The following WDR17 variants were observed in gnomAD, a reference collection of about 807,000 sequenced individuals.
WDR17 encodes the protein WD repeat domain 17.
WDR17 carries 143 observed loss-of-function variants against 161.7 expected under a neutral mutation model. That is an observed-to-expected ratio of 0.88 (90% confidence interval 0.77 to 1.02). The LOEUF (loss-of-function observed/expected upper bound fraction) is 1.02, where lower values mean the gene tolerates loss of function less well. WDR17 is among the 50% of genes least tolerant of loss of function. WDR17 has a pLI of 0.00. For missense variants in WDR17, 1,469 were observed against 1,520.9 expected (o/e 0.97, Z 0.57); for synonymous variants, 517 against 515.6 (o/e 1.00, Z -0.04).
intron 7 of WDR17, among the ~76,000 whole-genome samples, chr4:176,131,963 T>C (rs1388239256): frequency 1.3e-5 from 2 of 152,134 alleles, no homozygotes; most frequent in African/African-American, 4.8e-5. Context: ...TGTCTACTTA[T>C]ATTTTATGTA....
chr4:176,159,056 A>G (rs1479607384), intron 18 of WDR17, among the ~76,000 whole-genome samples: 1 of 152,206 alleles, frequency 6.6e-6, no homozygotes, highest in Non-Finnish European at 1.5e-5. Flanking sequence ...GCTGGCAAAT[A>G]TCATGAAAAA....
intron 1 of WDR17, among the ~76,000 whole-genome samples, chr4:176,078,991 T>G (rs1734407438): frequency 6.6e-6 from 1 of 152,122 alleles, no homozygotes; most frequent in Admixed American, 6.6e-5. Context: ...ATAGCTGTAA[T>G]TTTGTATTAT....
intron 3 of WDR17, 99 bp downstream of exon 3, chr4:176,116,078 A>C (rs903461111): frequency 3.3e-6 from 4 of 1,219,232 alleles, no homozygotes; most frequent in Non-Finnish European, 3.4e-6. Flanking sequence ...GTTGTTTTCA[A>C]ACTTCTTAAT....
intron 1 of WDR17, chr4:176,096,416 G>T: frequency 1.2e-6 from 1 of 834,456 alleles, no homozygotes; most frequent in Non-Finnish European, 1.9e-6. Context: ...TCACAAGGGA[G>T]ATTTTGGTAA....
At chr4:176,128,605 G>C in intron 5 of WDR17, 133 bp from the exon 6 acceptor site, 1 of 843,506 alleles carries the variant, frequency 1.2e-6, no homozygotes, top group Non-Finnish European at 1.8e-6. Context: ...TTACTGTATG[G>C]TATTGTTGTT....
chr4:176,067,516 T>C (rs954077209), intron 1 of WDR17, among the ~76,000 whole-genome samples: 4 of 152,372 alleles, frequency 2.6e-5, no homozygotes, highest in South Asian at 4.1e-4. Flanking sequence ...ATAGAACTGC[T>C]TAAAAAACTG....
At chr4:176,087,434 C>T (rs1484959687) in intron 1 of WDR17, among the ~76,000 whole-genome samples, 2 of 152,042 alleles carry the variant, frequency 1.3e-5, no homozygotes, top group East Asian at 3.9e-4. Flanking sequence ...TTAATATTTT[C>T]TTTTTGTGGT....
intron 21 of WDR17, among the ~76,000 whole-genome samples, chr4:176,162,394 CCA>C (rs1389244790): frequency 6.6e-6 from 1 of 152,080 alleles, no homozygotes; most frequent in African/African-American, 2.4e-5. Context: ...TTTATTTCTA[CCA>C]CAAGACACAT....
At chr4:176,085,444 G>A (rs890080030) in intron 1 of WDR17, among the ~76,000 whole-genome samples, 6 of 152,052 alleles carry the variant, frequency 3.9e-5, no homozygotes, top group Non-Finnish European at 8.8e-5. Context: ...GGGCCTGGAA[G>A]GTTGTGTATG....
chr4:176,130,624 A>C (rs992548712), intron 6 of WDR17, among the ~76,000 whole-genome samples: 3 of 151,810 alleles, frequency 2.0e-5, no homozygotes, highest in African/African-American at 7.3e-5. Flanking sequence ...AGGAGCCTGT[A>C]GTCCCAGCTA....
At chr4:176,083,189 A>G (rs1202760497) in intron 1 of WDR17, among the ~76,000 whole-genome samples, 2 of 149,174 alleles carry the variant, frequency 1.3e-5, no homozygotes, top group African/African-American at 4.9e-5. Context: ...TTTAATGTTT[A>G]GACTAGAACA....
At position 176,159,989 on chromosome 4, in the gene WDR17, A is replaced by G. The variant is rs142942727; in HGVS notation, c.2526-5A>G. 1.5e-4 allele frequency: 237 copies of G among 1,586,812 alleles called. 1 individual carries two copies. The Middle Eastern group carries it at 1.9e-3, about 12-fold the overall frequency. On this transcript the variant is annotated splice_polypyrimidine_tract_variant and splice_region_variant and intron_variant, in intron 18 of 28. Transcript: ENST00000508596. Reference sequence around the variant, plus strand: ...TTGTTTAAAAAACTGTCCTTATTTTATTAGGAGAGCTGACCAATTAATCCA... The same window carrying G: ...TTGTTTAAAAAACTGTCCTTATTTTGTTAGGAGAGCTGACCAATTAATCCA...
intron 7 of WDR17, among the ~76,000 whole-genome samples, chr4:176,131,941 C>G (rs7655215): frequency 1.1e-4 from 16 of 151,846 alleles, no homozygotes; most frequent in Non-Finnish European, 2.2e-4. Context: ...CACTATACTT[C>G]AAAAGTCTTA....
intron 1 of WDR17, among the ~76,000 whole-genome samples, chr4:176,099,588 C>T (rs1737468571): frequency 6.6e-6 from 1 of 152,082 alleles, no homozygotes; most frequent in African/African-American, 2.4e-5. Flanking sequence ...TTTTAACCAA[C>T]TTTTAAAATA....
intron 3 of WDR17, among the ~76,000 whole-genome samples, chr4:176,116,291 A>T (rs1397028928): frequency 3.3e-5 from 5 of 151,856 alleles, no homozygotes; most frequent in Non-Finnish European, 7.4e-5. Flanking sequence ...AGATTTTGTT[A>T]TTGAGACAAG....
intron 25 of WDR17, among the ~76,000 whole-genome samples, chr4:176,173,673 T>C (rs1271880323): frequency 2.0e-5 from 3 of 151,926 alleles, no homozygotes; most frequent in Non-Finnish European, 4.4e-5. Context: ...CCCGCCACCA[T>C]GCCTGGCTAA....
intron 17 of WDR17, among the ~76,000 whole-genome samples, chr4:176,152,743 T>C (rs183243835): frequency 2.2e-4 from 34 of 151,156 alleles, no homozygotes; most frequent in Non-Finnish European, 4.4e-4. Flanking sequence ...AAGATCAGCC[T>C]AGCCAACATG....
At chr4:176,159,312 TGGAG>T (rs1748670513) in intron 18 of WDR17, among the ~76,000 whole-genome samples, 1 of 111,324 alleles carries the variant, frequency 9.0e-6, no homozygotes, top group African/African-American at 4.1e-5. Context: ...CACACACAGA[TGGAG>T]AGAGAGAGAG....
intron 9 of WDR17, 131 bp downstream of exon 9, chr4:176,137,742 G>A (rs1744647959): frequency 2.1e-6 from 1 of 473,396 alleles, no homozygotes; most frequent in Admixed American, 4.2e-5. Context: ...TCAATTAGAA[G>A]AAAATCCTAG....
Sources: allele counts gnomAD v4.1 joint callset (sites outside exome capture counted in the v4.1 genomes callset), GRCh38; gene constraint gnomAD v4.1.1; transcripts MANE v1.5; gene names NCBI Gene and HGNC (gene_info 2026-07-23, HGNC 2026-07-21).